The following WWOX variants were observed in gnomAD, a reference collection of about 807,000 sequenced individuals.
WWOX encodes WW domain containing oxidoreductase.
In WWOX, 69 loss-of-function variants were observed where a neutral mutation model predicts 46.2. The observed-to-expected ratio is 1.49, with a 90% CI of 1.23 to 1.82. The LOEUF (loss-of-function observed/expected upper bound fraction) is 1.82. Ranked by LOEUF, WWOX falls within the 40% of genes most tolerant of loss-of-function variation. WWOX has a pLI of 0.00. For missense variants in WWOX, 919 were observed against 542.6 expected (o/e 1.69, Z -6.89); for synonymous variants, 359 against 202.6 (o/e 1.77, Z -6.56).
chr16:78,764,147 G>A (rs963174865), intron 8 of WWOX, among the ~76,000 whole-genome samples: 4 of 152,150 alleles, frequency 2.6e-5, no homozygotes, highest in Non-Finnish European at 4.4e-5. Context: ...AAAAGTCACT[G>A]TGTTTCTCCT....
chr16:78,336,596 A>G (rs1032781653), intron 5 of WWOX, among the ~76,000 whole-genome samples: 39 of 150,888 alleles, frequency 2.6e-4, no homozygotes, highest in Admixed American at 1.3e-3. Context: ...AGTGTTGAGG[A>G]CCTGTCAAAC....
At position 79,001,763 on chromosome 16, in the gene WWOX, G is replaced by T. The variant is rs369489019; in HGVS notation, c.1057-209845G>T. Among the ~76,000 whole-genome samples, 10 of 152,214 alleles carry T rather than the reference G, an allele frequency of 6.6e-5. No homozygotes were observed. The South Asian group carries it at 2.1e-3, about 32-fold the overall frequency. The stretch of plus-strand genomic sequence containing the variant: ...GAAGGGGGCGTTTGTGCAGTGGGAA[G>T]TTGGAGAAAGTACAAATGAAAGCCT... On this transcript the variant is annotated intron_variant, in intron 8 of 8. Coordinates refer to ENST00000566780, the MANE Select transcript of WWOX (RefSeq NM_016373.4).
chr16:78,416,328 TA>T, intron 6 of WWOX, among the ~76,000 whole-genome samples: 1 of 152,328 alleles, frequency 6.6e-6, no homozygotes, highest in Admixed American at 6.5e-5. Flanking sequence ...GAGGCAAAAG[TA>T]ATTCTTTTCC....
At chr16:78,559,982 CTG>C (rs1300622791) in intron 8 of WWOX, among the ~76,000 whole-genome samples, 1 of 152,188 alleles carries the variant, frequency 6.6e-6, no homozygotes, top group African/African-American at 2.4e-5. Flanking sequence ...GCCAAGGTCT[CTG>C]GAGTTTGCTG....
At chr16:78,193,273 C>G (rs2035938656) in intron 5 of WWOX, among the ~76,000 whole-genome samples, 1 of 152,244 alleles carries the variant, frequency 6.6e-6, no homozygotes, top group Admixed American at 6.5e-5. Context: ...AAAGAATTCA[C>G]TTGACCAAAG....
chr16:78,808,643 A>G (rs992505760), intron 8 of WWOX, among the ~76,000 whole-genome samples: 1 of 152,326 alleles, frequency 6.6e-6, no homozygotes, highest in African/African-American at 2.4e-5. Flanking sequence ...ACAGAAAAAC[A>G]TGCCATCATC....
chr16:78,969,281 T>TG (rs920841790), intron 8 of WWOX, among the ~76,000 whole-genome samples: 3 of 151,744 alleles, frequency 2.0e-5, no homozygotes, highest in Non-Finnish European at 2.9e-5. Flanking sequence ...TTTTTTTTTT[T>TG]TCTTTTTGAG....
At chr16:78,563,821 C>T (rs1475187951) in intron 8 of WWOX, among the ~76,000 whole-genome samples, 1 of 152,158 alleles carries the variant, frequency 6.6e-6, no homozygotes, top group Non-Finnish European at 1.5e-5. Context: ...TGCATATGTA[C>T]ATCCTTGCAC....
At chr16:79,045,561 C>G (rs530510026) in intron 8 of WWOX, among the ~76,000 whole-genome samples, 1 of 152,074 alleles carries the variant, frequency 6.6e-6, no homozygotes, top group Non-Finnish European at 1.5e-5. Context: ...CAATAGAACA[C>G]GGAGGCAGAA....
intron 5 of WWOX, among the ~76,000 whole-genome samples, chr16:78,202,920 A>G (rs1425406718): frequency 1.3e-5 from 2 of 151,794 alleles, no homozygotes; most frequent in Non-Finnish European, 2.9e-5. Context: ...CCTCAGCACT[A>G]TAACTGATTT....
intron 8 of WWOX, among the ~76,000 whole-genome samples, chr16:79,059,601 C>T (rs966862943): frequency 2.6e-5 from 4 of 152,174 alleles, no homozygotes; most frequent in Admixed American, 2.0e-4. Context: ...AGTGATGCTC[C>T]TGCCTCAGCC....
rs562084959 is a variant in WWOX, at chr16:78,341,039, T to G, written c.517-45821T>G. ...ATTTTCAGAAGTACCAGGTTCCACA[T>G]TTTCTGAGCCTTTGCTGGCTCTCTG... On this transcript the variant is annotated intron_variant, in intron 5 of 8. Coordinates refer to ENST00000566780, the MANE Select transcript of WWOX (RefSeq NM_016373.4). Among the ~76,000 whole-genome samples the G allele has an allele frequency of 6.7e-5, 8 of 119,974 alleles. No homozygotes were observed. The East Asian group carries it at 1.6e-3, about 23-fold the overall frequency. 78.7% of individuals were successfully genotyped at this position (119,974 alleles called of 152,430 possible). A position where few individuals can be genotyped will look rare whatever the true frequency, so the allele number is the denominator to read the frequency against.
At chr16:78,494,218 G>A (rs2084854903) in intron 8 of WWOX, among the ~76,000 whole-genome samples, 1 of 152,150 alleles carries the variant, frequency 6.6e-6, no homozygotes, top group South Asian at 2.1e-4. Context: ...CAGCACTAGG[G>A]GGATGGTGAT....
At chr16:78,614,449 C>A (rs1409787146) in intron 8 of WWOX, among the ~76,000 whole-genome samples, 1 of 152,238 alleles carries the variant, frequency 6.6e-6, no homozygotes, top group South Asian at 2.1e-4. Flanking sequence ...TATACTCTGG[C>A]TGGGGTGAGG....
At chr16:78,768,279 TAA>T (rs56280651) in intron 8 of WWOX, among the ~76,000 whole-genome samples, 3,010 of 91,926 alleles carry the variant, frequency 0.033, 139 homozygotes, top group African/African-American at 0.11. Flanking sequence ...ATAGATGAGT[TAA>T]AAAAAAAAAA....
intron 8 of WWOX, among the ~76,000 whole-genome samples, chr16:79,033,775 C>T (rs1009719394): frequency 3.3e-5 from 5 of 152,196 alleles, no homozygotes; most frequent in Admixed American, 6.5e-5. Context: ...TCTATGAATT[C>T]GACTACTCTT....
chr16:78,567,421 C>T (rs938786557), intron 8 of WWOX, among the ~76,000 whole-genome samples: 3 of 151,146 alleles, frequency 2.0e-5, no homozygotes, highest in South Asian at 2.1e-4. Flanking sequence ...GGCGTGGTGG[C>T]GGGTGCCTGT....
At chr16:78,774,350 G>A (rs1332965306) in intron 8 of WWOX, among the ~76,000 whole-genome samples, 1 of 152,244 alleles carries the variant, frequency 6.6e-6, no homozygotes, top group South Asian at 2.1e-4. Context: ...TCAGTGAGCC[G>A]AGATCGCGCC....
chr16:78,702,510 G>T (rs1259555568), intron 8 of WWOX, among the ~76,000 whole-genome samples: 1 of 151,728 alleles, frequency 6.6e-6, no homozygotes, highest in Middle Eastern at 3.2e-3. Flanking sequence ...AATTAGCCAG[G>T]CACAGTGGCT....
Sources: allele counts gnomAD v4.1 joint callset (sites outside exome capture counted in the v4.1 genomes callset), GRCh38; gene constraint gnomAD v4.1.1; transcripts MANE v1.5; gene names NCBI Gene and HGNC (gene_info 2026-07-23, HGNC 2026-07-21).